Variants in ANKS1A observed in about 807,000 individuals in gnomAD.
ANKS1A encodes ankyrin repeat and SAM domain-containing protein 1A.
A neutral mutation model predicts 120.3 loss-of-function variants in ANKS1A; 55 were observed. The ratio of observed to expected loss-of-function variants is 0.46; its 90% confidence interval spans 0.37 to 0.57. ANKS1A has a LOEUF of 0.57. ANKS1A is among the 20% of genes least tolerant of loss of function. The pLI, the probability that ANKS1A is intolerant of heterozygous loss-of-function variation, is 0.00. For synonymous variants in ANKS1A, 590 were observed against 604.7 expected, an observed-to-expected ratio of 0.98 and a Z score of 0.36; for missense variants, 1,123 against 1,480.3, an observed-to-expected ratio of 0.76 and a Z score of 3.96.
At chr6:34,954,563 G>A (rs762722921) in intron 1 of ANKS1A, among the ~76,000 whole-genome samples, 6 of 152,220 alleles carry the variant, frequency 3.9e-5, no homozygotes, top group African/African-American at 7.2e-5. Context: ...CGTGTGACTT[G>A]TGTCACGTGT....
rs74982847 is a variant in ANKS1A, at chr6:35,084,343, G to T, written c.3132+85G>T. The T allele has an allele frequency of 3.2e-6, 5 of 1,543,706 alleles. No homozygotes were observed. Among genetic ancestry groups the T allele is most frequent in the East Asian group, 2.3e-5 (1 of 44,124 alleles). On this transcript the variant is annotated intron_variant, in intron 21 of 23. Coordinates refer to ENST00000360359, the MANE Select transcript of ANKS1A (RefSeq NM_015245.3). The surrounding 1 kb of genome is among the most constrained non-coding windows in gnomAD (Gnocchi z 4.8). ...CCCCATTGCAGGGCACAGATGCGGC[G>T]CTGTCCTGGCCCCTGGCCAGTGCCT...
At chr6:35,093,318 G>C (rs539799872), downstream of ANKS1A, among the ~76,000 whole-genome samples, 11 of 152,202 alleles carry the variant, frequency 7.2e-5, 1 homozygote, top group South Asian at 1.7e-3. Context: ...GGAGATTCCT[G>C]TTCCAACTTA....
intron 1 of ANKS1A, among the ~76,000 whole-genome samples, chr6:34,954,726 G>A (rs1770261163): frequency 6.6e-6 from 1 of 152,198 alleles, no homozygotes; most frequent in South Asian, 2.1e-4. Flanking sequence ...CTGCCCACCT[G>A]TCACGTAGCG....
At chr6:35,079,395 G>T in intron 14 of ANKS1A, 121 bp from the exon 15 acceptor site, 1 of 1,247,830 alleles carries the variant, frequency 8.0e-7, no homozygotes, top group Admixed American at 2.3e-5. Flanking sequence ...AAGGTGCTGA[G>T]GACCCCAAAC....
chr6:35,060,153 G>A lies in ANKS1A; in HGVS notation c.2084G>A (p.Arg695Gln), dbSNP rs759058734. Residue 695 changes from arginine (R) to glutamine (Q), a missense_variant, in exon 13 of 24, where the codon CGG becomes CAG. Physicochemically the swap from Arg to Gln is conservative, Grantham distance 43 (BLOSUM62 1). Around this residue, in one of 3 missense-constraint regions of ANKS1A, gnomAD observed 904 missense variants for 1,130.4 expected, o/e 0.80. Coordinates refer to ENST00000360359, the MANE Select transcript of ANKS1A (RefSeq NM_015245.3). This position sits in a 1 kb window ranked among gnomAD's most constrained non-coding sequence, Gnocchi z 4.5. ...CCGATTCCTCTCTCATCAGGTTTACGGACGCTGGAGCAGAGTGTCGGGGAG... is the reference window on the plus strand; with the variant it reads ...CCGATTCCTCTCTCATCAGGTTTACAGACGCTGGAGCAGAGTGTCGGGGAG... ...SQERQKISGL[R>Q]TLEQSVGEWL... The A allele has an allele frequency of 8.7e-6, 14 of 1,613,176 alleles. No homozygotes were observed. In the East Asian group the frequency reaches 8.9e-5, roughly 10 times the overall value.
Position 35,081,237 on chromosome 6 carries a change from C to G in ANKS1A, c.2709+79C>G. On this transcript the variant is annotated intron_variant, in intron 17 of 23. Coordinates refer to ENST00000360359, the MANE Select transcript of ANKS1A (RefSeq NM_015245.3). ...GGACAGGGCCTCCCAGAACCACCTG[C>G]TGCCCCATACTTGAGCACAGTTGGG... The G allele has an allele frequency of 2.7e-6, 4 of 1,454,740 alleles. 1 individual carries two copies. The South Asian group carries it at 5.5e-5, about 20-fold the overall frequency. 90.1% of individuals were successfully genotyped at this position (1,454,740 alleles called of 1,614,324 possible).
chr6:34,904,243 T>C (rs1767521501), intron 1 of ANKS1A, among the ~76,000 whole-genome samples: 1 of 152,234 alleles, frequency 6.6e-6, no homozygotes, highest in South Asian at 2.1e-4. Flanking sequence ...TAAATAGTTA[T>C]TAAAACATAT....
chr6:34,982,643 G>T lies in ANKS1A; in HGVS notation c.733-109G>T. The T allele has an allele frequency of 9.2e-7, 1 of 1,083,498 alleles. No individual in the cohort carries two copies. Among genetic ancestry groups the T allele is most frequent in the Admixed American group, 1.9e-5 (1 of 53,810 alleles). 67.1% of individuals were successfully genotyped at this position (1,083,498 alleles called of 1,614,324 possible). A position where few individuals can be genotyped will look rare whatever the true frequency, so the allele number is the denominator to read the frequency against. ...GAAAGATAATGACAGAGGGCTTTGT[G>T]TAGTTTGTTTTATTTTGTGTCCCTT... On this transcript the variant is annotated intron_variant, in intron 4 of 23. Coordinates refer to ENST00000360359, the MANE Select transcript of ANKS1A (RefSeq NM_015245.3). This position sits in a 1 kb window ranked among gnomAD's most constrained non-coding sequence, Gnocchi z 4.9.
Position 35,046,123 on chromosome 6 carries a change from G to C in ANKS1A, c.2011-7976G>C, listed in dbSNP as rs1171563804. Among the ~76,000 whole-genome samples, 3 of 152,242 alleles carry C rather than the reference G, an allele frequency of 2.0e-5. No homozygotes were observed. The East Asian group carries it at 5.8e-4, about 29-fold the overall frequency. ...CATGCTAAAGGAACTCACAGATGTA[G>C]GGATCCATTTCTTTTGACCCTGATT... On this transcript the variant is annotated intron_variant, in intron 11 of 23. Transcript: ENST00000360359.
At chr6:34,991,811 C>CAT (rs1321913365) in intron 9 of ANKS1A, among the ~76,000 whole-genome samples, 2 of 139,186 alleles carry the variant, frequency 1.4e-5, no homozygotes, top group East Asian at 4.1e-4. Context: ...TATACACACA[C>CAT]ATATATATAT....
Position 35,085,817 on chromosome 6 carries a change from T to C in ANKS1A, c.3184T>C (p.Tyr1062His). The C allele has an allele frequency of 6.2e-7, 1 of 1,611,996 alleles. No individual in the cohort carries two copies. ...GCTGGGGCAGGCCTTCGAAGTGGCC[T>C]ATCAGTTGGCCCTGCAGGCCCAGAA... is the stretch of plus-strand genomic sequence containing the variant. Reference protein sequence around the residue: ...LTLGQAFEVAYQLALQAQKSR... With the variant: ...LTLGQAFEVAHQLALQAQKSR... Residue 1062 changes from tyrosine (Y) to histidine (H), a missense_variant, in exon 22 of 24, where the codon TAT becomes CAT. Physicochemically the swap from Tyr to His is moderately conservative, Grantham distance 83. Transcript: ENST00000360359. This position sits in a 1 kb window ranked among gnomAD's most constrained non-coding sequence, Gnocchi z 4.7.
rs1561970602 is a variant in ANKS1A at position 35,086,347 on chromosome 6, ATC to A, written c.3303+413_3303+414del. 1 of 1,298,020 alleles carries A rather than the reference ATC, an allele frequency of 7.7e-7. No individual in the cohort carries two copies. The highest frequency in any genetic ancestry group is 1.5e-5 in the African/African-American group (1 of 66,114). The allele number at this position is 1,298,020 out of a possible 1,614,324, so 80.4% of individuals were successfully genotyped here. On this transcript the variant is annotated intron_variant, in intron 22 of 23. Coordinates refer to ENST00000360359, the MANE Select transcript of ANKS1A (RefSeq NM_015245.3). This position sits in a 1 kb window ranked among gnomAD's most constrained non-coding sequence, Gnocchi z 5.1. ...ACCGTCCTTCCTACCTACCGCTGCC[ATC>A]TGTTAGTCCTGGAGTCAAGGTCTTT...
At chr6:35,028,065 G>A (rs1774718954) in intron 11 of ANKS1A, among the ~76,000 whole-genome samples, 1 of 152,232 alleles carries the variant, frequency 6.6e-6, no homozygotes, top group Non-Finnish European at 1.5e-5. Flanking sequence ...TCTGTTCTTG[G>A]CTGTCCTGAT....
intron 1 of ANKS1A, among the ~76,000 whole-genome samples, chr6:34,960,900 A>C (rs1472549294): frequency 3.3e-5 from 5 of 152,238 alleles, no homozygotes. Context: ...AATCAAGTGA[A>C]TTGTCCAAGG....
chr6:35,059,742 C>T (rs1210967564), intron 12 of ANKS1A, among the ~76,000 whole-genome samples: 2 of 152,186 alleles, frequency 1.3e-5, no homozygotes, highest in Non-Finnish European at 2.9e-5. Flanking sequence ...TCCCTCAGCC[C>T]CCTCTAGTGC....
At chr6:35,078,512 G>T (rs1379520255) in intron 13 of ANKS1A, 46 bp from the exon 14 acceptor site, 5 of 1,575,614 alleles carry the variant, frequency 3.2e-6, no homozygotes, top group African/African-American at 1.3e-5. Flanking sequence ...AGGGCCACCA[G>T]CCATCCATCC....
At chr6:34,935,174 A>G (rs1769187623) in intron 1 of ANKS1A, among the ~76,000 whole-genome samples, 1 of 152,170 alleles carries the variant, frequency 6.6e-6, no homozygotes, top group African/African-American at 2.4e-5. Context: ...GGAACCTCCA[A>G]CAACTGGGCT....
At chr6:34,964,580 T>C (rs1425939400) in intron 1 of ANKS1A, among the ~76,000 whole-genome samples, 1 of 152,240 alleles carries the variant, frequency 6.6e-6, no homozygotes, top group African/African-American at 2.4e-5. Flanking sequence ...GTTATTACTG[T>C]TGTCGTTGAT....
intron 13 of ANKS1A, among the ~76,000 whole-genome samples, chr6:35,071,388 G>A (rs568270682): frequency 3.8e-4 from 58 of 152,296 alleles, no homozygotes; most frequent in Non-Finnish European, 5.0e-4. Context: ...TCTGTCATGC[G>A]ATGCCATACT....
Sources: gnomAD v4.1 joint callset for allele counts (sites outside exome capture counted in the v4.1 genomes callset) on GRCh38, gnomAD v4.1.1 for gene constraint, gnomAD v4.1.1 regional missense constraint, Gnocchi (gnomAD v3.1) non-coding constraint, MANE v1.5 for transcripts, NCBI Gene and HGNC (gene_info 2026-07-23, HGNC 2026-07-21) for gene names.